DNAJC25: variants seen among roughly 807,000 people sequenced by gnomAD.
The protein encoded by DNAJC25 is DnaJ heat shock protein family (Hsp40) member C25.
Under a neutral mutation model 42.1 loss-of-function variants are expected in DNAJC25, and 26 were observed. The observed-to-expected ratio is 0.62, with a 90% CI of 0.45 to 0.86. The LOEUF is 0.86. Among genes scored for constraint, DNAJC25 ranks in the 40% least tolerant of loss-of-function variants. DNAJC25 has a pLI of 0.00. For synonymous variants in DNAJC25, 189 were observed against 179.9 expected, an observed-to-expected ratio of 1.05 and a Z score of -0.40; for missense variants, 404 against 459.4, an observed-to-expected ratio of 0.88 and a Z score of 1.10.
chr9:111,632,368 G>T (rs144904553), intron 1 of DNAJC25, among the ~76,000 whole-genome samples: 222 of 152,300 alleles, frequency 1.5e-3, no homozygotes, highest in African/African-American at 4.2e-3. Flanking sequence ...TTATTATGGG[G>T]ATTAAATGAT....
Position 111,631,758 on chromosome 9 carries a change from C to G in DNAJC25, c.336+15C>G. The G allele has an allele frequency of 2.0e-6, 3 of 1,501,934 alleles. No homozygotes were observed. The South Asian group carries it at 3.7e-5, about 18-fold the overall frequency. 93.0% of individuals were successfully genotyped at this position (1,501,934 alleles called of 1,614,324 possible). The stretch of plus-strand genomic sequence containing the variant: ...AGACACTCAAGGTGAGGCCTGCGGG[C>G]GTGGAGGGGCTTCGAAGACTGGCCG... On this transcript the variant is annotated intron_variant, in intron 1 of 3. Transcript: ENST00000313525.
chr9:111,641,176 TG>T (rs1830454454), intron 1 of DNAJC25, among the ~76,000 whole-genome samples: 3 of 70,358 alleles, frequency 4.3e-5, no homozygotes, highest in Non-Finnish European at 7.7e-5. Flanking sequence ...GGGAGGGAGG[TG>T]GGGGGGTCAG....
chr9:111,653,149 A>G lies in DNAJC25; in HGVS notation c.1010A>G (p.Asp337Gly). 6.2e-7 allele frequency: 1 copy of G among 1,602,758 alleles called. No individual in the cohort carries two copies. The highest frequency in any genetic ancestry group is 8.5e-7 in the Non-Finnish European group (1 of 1,173,304). Residue 337 changes from aspartate (D) to glycine (G), a missense_variant, in exon 4 of 4, where the codon GAC (aspartate) becomes GGC (glycine). By Grantham distance (94) the Asp-to-Gly change is moderately conservative. Transcript: ENST00000313525. ...EEELKKKLAN[D>G]PRWKRYRRWM... Reference sequence around the variant, plus strand: ...GAATTAAAGAAAAAGTTGGCAAATGACCCCAGATGGAAGAGATACAGGAGA... The same window carrying G: ...GAATTAAAGAAAAAGTTGGCAAATGGCCCCAGATGGAAGAGATACAGGAGA...
intron 1 of DNAJC25, among the ~76,000 whole-genome samples, chr9:111,644,171 C>A (rs1192874253): frequency 6.6e-6 from 1 of 151,824 alleles, no homozygotes; most frequent in Non-Finnish European, 1.5e-5. Context: ...TTGTGGTGAC[C>A]CTAAAGAAAA....
chr9:111,635,342 T>G (rs1329825321), intron 1 of DNAJC25, among the ~76,000 whole-genome samples: 1 of 152,216 alleles, frequency 6.6e-6, no homozygotes, highest in African/African-American at 2.4e-5. Flanking sequence ...TCAGATAGAA[T>G]GGAAATGGAA....
chr9:111,639,941 T>TCTCCGTCTCCGTCTCCGTCTCCCC, intron 1 of DNAJC25, among the ~76,000 whole-genome samples: 1 of 140,068 alleles, frequency 7.1e-6, no homozygotes, highest in Non-Finnish European at 1.5e-5. Flanking sequence ...TCCGTCTCCG[T>TCTCCGTCTCCGTCTCCGTCTCCCC]CTCCGTCTCC....
intron 1 of DNAJC25, among the ~76,000 whole-genome samples, chr9:111,646,412 G>A (rs1350764884): frequency 2.6e-5 from 4 of 152,164 alleles, no homozygotes; most frequent in Non-Finnish European, 5.9e-5. Context: ...AGATCTATAT[G>A]TTACCTCATT....
In DNAJC25 at chr9:111,631,508, G is replaced by T. The variant is rs1332821008; in HGVS notation, c.101G>T (p.Arg34Leu). The T allele has an allele frequency of 7.5e-7, 1 of 1,330,160 alleles. No homozygotes were observed. 82.4% of individuals were successfully genotyped at this position (1,330,160 alleles called of 1,614,324 possible). The change falls in exon 1 of 4, where the codon CGG (arginine) becomes CTG (leucine). Residue 34 changes from arginine (R) to leucine (L), a missense_variant. Physicochemically the swap from Arg to Leu is moderately radical, Grantham distance 102. Transcript: ENST00000313525. ...APLLPALLLV[R>L]PAGALVEGLY... ...CTGCTGCCGGCGCTGCTGCTGGTGC[G>T]GCCCGCGGGGGCCCTGGTGGAGGGG...
chr9:111,639,933 CG>C (rs1830422654), intron 1 of DNAJC25, among the ~76,000 whole-genome samples: 1 of 134,726 alleles, frequency 7.4e-6, no homozygotes, highest in Non-Finnish European at 1.5e-5. Context: ...TCTCCCTCTC[CG>C]TCTCCGTCTC....
chr9:111,640,843 C>T (rs1438682486), intron 1 of DNAJC25, among the ~76,000 whole-genome samples: 16 of 103,152 alleles, frequency 1.6e-4, no homozygotes, highest in African/African-American at 5.0e-4. Flanking sequence ...GTGGGGGGGG[C>T]CAGCCCCCCG....
At chr9:111,635,112 C>G (rs1185825241) in intron 1 of DNAJC25, among the ~76,000 whole-genome samples, 1 of 152,200 alleles carries the variant, frequency 6.6e-6, no homozygotes, top group Non-Finnish European at 1.5e-5. Context: ...GACACTTACC[C>G]TCTGTGTCAA....
In DNAJC25 at chr9:111,649,501, A is replaced by G. The variant is rs537603658; in HGVS notation, c.538A>G (p.Thr180Ala). The part of the protein sequence containing the change: ...SYNKAISYLA[T>A]VPKYRIQATE... ...CAATAAGGCAATCAGCTACCTAGCC[A>G]CAGTGCCCAAGTACCGTATCCAAGC... Residue 180 changes from threonine (T) to alanine (A), a missense_variant, in exon 3 of 4, where the codon ACA becomes GCA. Transcript: ENST00000313525. The G allele has an allele frequency of 6.2e-7, 1 of 1,608,490 alleles. No individual in the cohort carries two copies. Among genetic ancestry groups the G allele is most frequent in the African/African-American group, 1.3e-5 (1 of 74,436 alleles).
chr9:111,638,233 A>G (rs1416322265), intron 1 of DNAJC25, among the ~76,000 whole-genome samples: 1 of 152,258 alleles, frequency 6.6e-6, no homozygotes, highest in Non-Finnish European at 1.5e-5. Flanking sequence ...AACCAGTAAG[A>G]TACTAAAACT....
chr9:111,631,705 G>C lies in DNAJC25; in HGVS notation c.298G>C (p.Ala100Pro). ...GCGGACGCCGCAGAGCGCCGAGGAGGCTTTCCTGCTGGTGGCAACCGCCTA... is the reference window on the plus strand; with the variant it reads ...GCGGACGCCGCAGAGCGCCGAGGAGCCTTTCCTGCTGGTGGCAACCGCCTA... ...PGRTPQSAEE[A>P]FLLVATAYET... Residue 100 changes from alanine (A) to proline (P), a missense_variant, in exon 1 of 4, where the codon GCT (alanine) becomes CCT (proline). Ala to Pro is a conservative substitution (Grantham distance 27, BLOSUM62 -1). Transcript: ENST00000313525. The C allele has an allele frequency of 6.6e-7, 1 of 1,524,024 alleles. No individual in the cohort carries two copies. Among genetic ancestry groups the C allele is most frequent in the Non-Finnish European group, 8.8e-7 (1 of 1,141,852 alleles). The allele number at this position is 1,524,024 out of a possible 1,614,324, so 94.4% of individuals were successfully genotyped here. A position where few individuals can be genotyped will look rare whatever the true frequency, so the allele number is the denominator to read the frequency against.
At chr9:111,644,944 C>T (rs1242901957) in intron 1 of DNAJC25, among the ~76,000 whole-genome samples, 1 of 152,148 alleles carries the variant, frequency 6.6e-6, no homozygotes, top group Admixed American at 6.5e-5. Flanking sequence ...AGGTTAGGAG[C>T]TCTGGAATAG....
rs200546212 is a variant in DNAJC25 at position 111,642,603 on chromosome 9, CAATAAATAAATAAATAAATA to C, written c.337-4481_337-4462del. On this transcript the variant is annotated intron_variant, in intron 1 of 3. Coordinates refer to ENST00000313525, the MANE Select transcript of DNAJC25 (RefSeq NM_001015882.3). ...TCTGTGAGAAACACCCAAGAATTAT[CAATAAATAAATAAATAAATA>C]AATAAATAAATAAATAAATAAAAAA... 4.6e-5 allele frequency among the ~76,000 whole-genome samples: 5 copies of C among 109,266 alleles called. No homozygotes were observed. In the South Asian group the frequency reaches 8.4e-4, roughly 18 times the overall value. The allele number at this position is 109,266 out of a possible 152,430, so 71.7% of individuals were successfully genotyped here.
At chr9:111,639,939 C>T (rs1422865696) in intron 1 of DNAJC25, among the ~76,000 whole-genome samples, 4 of 141,640 alleles carry the variant, frequency 2.8e-5, no homozygotes, top group Admixed American at 7.0e-5. Flanking sequence ...TCTCCGTCTC[C>T]GTCTCCGTCT....
In DNAJC25 at chr9:111,653,356, A is replaced by G; in HGVS notation, c.*134A>G. On this transcript the variant is annotated 3_prime_UTR_variant, in exon 4 of 4. Transcript: ENST00000313525. ...CTCAAGTATTTGATTAAACAGAATA[A>G]TGTCAAAATTTAAACCTTCCCTTAA... The G allele has an allele frequency of 1.8e-6, 2 of 1,094,662 alleles. No individual in the cohort carries two copies. The allele number at this position is 1,094,662 out of a possible 1,614,324, so 67.8% of individuals were successfully genotyped here.
At chr9:111,640,094 G>A (rs1381639493) in intron 1 of DNAJC25, among the ~76,000 whole-genome samples, 2 of 151,266 alleles carry the variant, frequency 1.3e-5, no homozygotes, top group African/African-American at 2.4e-5. Context: ...GCGCCGCCAC[G>A]CCTGATTGGT....
Sources: gnomAD v4.1 joint callset for allele counts (sites outside exome capture counted in the v4.1 genomes callset) on GRCh38, gnomAD v4.1.1 for gene constraint, MANE v1.5 for transcripts, NCBI Gene and HGNC (gene_info 2026-07-23, HGNC 2026-07-21) for gene names.